The following PREX1 variants were observed in gnomAD, a reference collection of about 807,000 sequenced individuals.
The protein encoded by PREX1 is phosphatidylinositol-3,4,5-trisphosphate dependent Rac exchange factor 1.
PREX1 carries 41 observed loss-of-function variants against 198.3 expected under a neutral mutation model. The ratio of observed to expected loss-of-function variants is 0.21; its 90% confidence interval spans 0.16 to 0.27. PREX1 has a LOEUF of 0.27. PREX1 is among the 10% of genes least tolerant of loss of function. The pLI is 1.00. For missense variants in PREX1, 1,620 were observed against 2,200.7 expected, an observed-to-expected ratio of 0.74 and a Z score of 5.28; for synonymous variants, 843 against 887.2, an observed-to-expected ratio of 0.95 and a Z score of 0.89.
At position 48,648,773 on chromosome 20, in the gene PREX1, C is replaced by A. The variant is rs538829749; in HGVS notation, c.3305+527G>T. On this transcript the variant is annotated intron_variant, in intron 25 of 39. Transcript: ENST00000371941. ...GTTGATGATTTGGCCGGATGCCTCC[C>A]CAAGGTGCCATTGAACCACCCTCTG... Among the ~76,000 whole-genome samples the A allele has an allele frequency of 3.9e-5, 6 of 152,136 alleles. No homozygotes were observed. The South Asian group carries it at 1.2e-3, about 32-fold the overall frequency.
intron 1 of PREX1, among the ~76,000 whole-genome samples, chr20:48,797,103 T>A (rs1041517674): frequency 6.6e-6 from 1 of 152,100 alleles, no homozygotes; most frequent in Admixed American, 6.6e-5. Flanking sequence ...AATTTTAAAA[T>A]TTTAATGGAA....
intron 10 of PREX1, 82 bp downstream of exon 10, chr20:48,688,575 C>A: frequency 6.4e-7 from 1 of 1,568,582 alleles, no homozygotes; most frequent in Non-Finnish European, 8.7e-7. Context: ...CAGGGCCAGG[C>A]TGCATGGGTG....
chr20:48,710,784 G>A (rs2089926929), intron 5 of PREX1, among the ~76,000 whole-genome samples: 1 of 152,244 alleles, frequency 6.6e-6, no homozygotes, highest in Non-Finnish European at 1.5e-5. Context: ...GAGGCCACGG[G>A]CCACACTGCG....
At chr20:48,676,732 C>T (rs940446580) in intron 13 of PREX1, among the ~76,000 whole-genome samples, 1 of 152,224 alleles carries the variant, frequency 6.6e-6, no homozygotes, top group Non-Finnish European at 1.5e-5. Context: ...CCACCGGCGC[C>T]GAGGCTGGGG....
chr20:48,740,158 T>G (rs766000377), intron 3 of PREX1, among the ~76,000 whole-genome samples: 1 of 152,044 alleles, frequency 6.6e-6, no homozygotes, highest in Non-Finnish European at 1.5e-5. Context: ...CCAGCCCAGA[T>G]GCTGCCATGG....
rs73909724 is a variant in PREX1, at chr20:48,788,954, G to A, written c.219+38688C>T. ...GAGTCTCTTTAGAACCCCCAAGAAC[G>A]TTCTCACCAGATGTGGCCCCTCCAC... On this transcript the variant is annotated intron_variant, in intron 1 of 39. Transcript: ENST00000371941. Among the ~76,000 whole-genome samples the A allele has an allele frequency of 6.8e-3, 1,035 of 152,208 alleles. 8 individuals carry two copies. Among genetic ancestry groups the A allele is most frequent in the African/African-American group, 0.024 (992 of 41,512 alleles).
the PREX1 span, among the ~76,000 whole-genome samples, chr20:48,885,453 A>T: frequency 1.3e-5 from 2 of 152,248 alleles, no homozygotes; most frequent in Non-Finnish European, 2.9e-5. Context: ...CATTGCTAGT[A>T]GTAATGCAAA....
chr20:48,642,243 C>T lies in PREX1; in HGVS notation c.3700G>A (p.Ala1234Thr). 6.2e-7 allele frequency: 1 copy of T among 1,614,228 alleles called. No homozygotes were observed. Among genetic ancestry groups the T allele is most frequent in the Non-Finnish European group, 8.5e-7 (1 of 1,180,030 alleles). Residue 1234 changes from alanine (A) to threonine (T), a missense_variant, in exon 29 of 40, where the codon GCT becomes ACT. Physicochemically the swap from Ala to Thr is moderately conservative, Grantham distance 58. Transcript: ENST00000371941. ...CTCATGACTGGCCCCTTGAGGAGAGCATTGATGGAGTCCACCTGGGTGGCA... is the reference window on the plus strand; with the variant it reads ...CTCATGACTGGCCCCTTGAGGAGAGTATTGATGGAGTCCACCTGGGTGGCA... ...HLFNQVDSIN[A>T]LLKGPVMSRA...
At chr20:48,833,496 C>T in the PREX1 span, among the ~76,000 whole-genome samples, 1 of 147,138 alleles carries the variant, frequency 6.8e-6, no homozygotes, top group African/African-American at 2.5e-5. Flanking sequence ...GAGTGGAATG[C>T]AATGCCGCGA....
At chr20:48,728,281 T>C (rs574835251) in intron 4 of PREX1, among the ~76,000 whole-genome samples, 4 of 152,340 alleles carry the variant, frequency 2.6e-5, no homozygotes, top group East Asian at 3.9e-4. Flanking sequence ...GTGCCCACCA[T>C]ATGCCACACG....
In PREX1 at chr20:48,637,821, G is replaced by A. The variant is rs140605955; in HGVS notation, c.3905-69C>T. The A allele has an allele frequency of 1.4e-4, 202 of 1,438,938 alleles. 2 individuals are homozygous for A. The highest frequency in any genetic ancestry group is 6.4e-4 in the African/African-American group (46 of 71,586). 89.1% of individuals were successfully genotyped at this position (1,438,938 alleles called of 1,614,324 possible). On this transcript the variant is annotated intron_variant, in intron 30 of 39. Coordinates refer to ENST00000371941, the MANE Select transcript of PREX1 (RefSeq NM_020820.4). Reference sequence around the variant, plus strand: ...GGCAGCAAGAGGTGAGGGCAGAACCGGGCCCCTCCCCATGGCACCTCCCAA... The same window carrying A: ...GGCAGCAAGAGGTGAGGGCAGAACCAGGCCCCTCCCCATGGCACCTCCCAA...
intron 1 of PREX1, among the ~76,000 whole-genome samples, chr20:48,784,453 G>C (rs1338177865): frequency 6.6e-6 from 1 of 152,132 alleles, no homozygotes; most frequent in Non-Finnish European, 1.5e-5. Flanking sequence ...CTTCTTCAAA[G>C]TGAAGGACTC....
chr20:48,812,335 G>A (rs1484762726), intron 1 of PREX1, among the ~76,000 whole-genome samples: 3 of 151,030 alleles, frequency 2.0e-5, no homozygotes, highest in African/African-American at 7.3e-5. Context: ...AACATAAGAG[G>A]AATGGGTAAA....
chr20:48,678,172 G>A (rs541220012), intron 13 of PREX1, among the ~76,000 whole-genome samples: 1 of 152,128 alleles, frequency 6.6e-6, no homozygotes, highest in Non-Finnish European at 1.5e-5. Context: ...AAATTAGCCG[G>A]GCCTGGTGGT....
intron 1 of PREX1, among the ~76,000 whole-genome samples, chr20:48,805,674 G>T (rs1217546853): frequency 6.6e-6 from 1 of 152,112 alleles, no homozygotes; most frequent in Non-Finnish European, 1.5e-5. Flanking sequence ...CCAGCCCCAA[G>T]CCCAGAATCC....
At chr20:48,642,572 C>A (rs989107066) in intron 27 of PREX1, 83 bp from the exon 28 acceptor site, 31 of 1,247,432 alleles carry the variant, frequency 2.5e-5, no homozygotes, top group Non-Finnish European at 3.4e-5. Flanking sequence ...GAGGGGGATA[C>A]AGCTACAGAA....
chr20:48,709,386 A>G (rs1183467079), intron 5 of PREX1, among the ~76,000 whole-genome samples: 1 of 152,182 alleles, frequency 6.6e-6, no homozygotes, highest in Non-Finnish European at 1.5e-5. Flanking sequence ...CGTAGTTACG[A>G]GCACAAATGT....
At chr20:48,729,671 TTG>T (rs2090025868) in intron 4 of PREX1, among the ~76,000 whole-genome samples, 1 of 152,166 alleles carries the variant, frequency 6.6e-6, no homozygotes, top group Non-Finnish European at 1.5e-5. Flanking sequence ...ATCAGGCAAA[TTG>T]TGTCAGCTCA....
chr20:48,680,303 T>C (rs2089741249), intron 11 of PREX1, among the ~76,000 whole-genome samples: 1 of 152,138 alleles, frequency 6.6e-6, no homozygotes, highest in African/African-American at 2.4e-5. Flanking sequence ...ACCTGGACTA[T>C]CACAGCAGCC....
Sources: allele counts gnomAD v4.1 joint callset (sites outside exome capture counted in the v4.1 genomes callset), GRCh38; gene constraint gnomAD v4.1.1; transcripts MANE v1.5; gene names NCBI Gene and HGNC (gene_info 2026-07-23, HGNC 2026-07-21).